DYRK1A: variants seen among roughly 807,000 people sequenced by gnomAD.
The protein encoded by DYRK1A is dual specificity tyrosine phosphorylation regulated kinase 1A, also known as dual specificity tyrosine-phosphorylation-regulated kinase 1A.
In DYRK1A, 9 loss-of-function variants were observed where a neutral mutation model predicts 79.7. The observed-to-expected ratio is 0.11, with a 90% confidence interval of 0.07 to 0.20. The LOEUF (loss-of-function observed/expected upper bound fraction) is 0.20. DYRK1A is among the 10% of genes least tolerant of loss of function. The pLI, the probability that DYRK1A is intolerant of heterozygous loss-of-function variation, is 1.00. For missense variants in DYRK1A, 622 were observed against 956.0 expected (o/e 0.65, Z 4.61); for synonymous variants, 349 against 329.7 (o/e 1.06, Z -0.63).
At chr21:37,433,355 T>G (rs900201475) in intron 2 of DYRK1A, among the ~76,000 whole-genome samples, 2 of 152,112 alleles carry the variant, frequency 1.3e-5, no homozygotes, top group African/African-American at 2.4e-5. Flanking sequence ...ACAAAAAATG[T>G]TTAAGAGGTG....
chr21:37,511,883 A>G, intron 11 of DYRK1A, 28 bp from the exon 12 acceptor site: 3 of 1,598,248 alleles, frequency 1.9e-6, no homozygotes, highest in Non-Finnish European at 2.6e-6. Context: ...GTCCTCTGAA[A>G]AATCCTTTTA....
chr21:37,470,942 T>C (rs1425761544), intron 2 of DYRK1A, among the ~76,000 whole-genome samples: 1 of 152,200 alleles, frequency 6.6e-6, no homozygotes, highest in African/African-American at 2.4e-5. Context: ...TACTATCCTT[T>C]TACTTATTTA....
intron 2 of DYRK1A, among the ~76,000 whole-genome samples, chr21:37,435,415 A>C (rs1209600643): frequency 6.6e-6 from 1 of 152,138 alleles, no homozygotes; most frequent in Non-Finnish European, 1.5e-5. Context: ...ATGAGCGTTT[A>C]ATGATCTGCA....
intron 2 of DYRK1A, among the ~76,000 whole-genome samples, chr21:37,452,571 T>A (rs1601134814): frequency 6.6e-6 from 1 of 151,990 alleles, no homozygotes; most frequent in African/African-American, 2.4e-5. Context: ...TAGCAGTGAG[T>A]GCTCCAGACA....
rs771118827 is a variant in DYRK1A, at chr21:37,512,527, C to G, written c.2261C>G (p.Ser754Trp). ...GTGCAACAGAGTCCTGTAGCTAGCT[C>G]GTGACTACATTGAAACTTGAGTTTG... is the stretch of plus-strand genomic sequence containing the variant. Reference protein sequence around the residue: ...VCVQQSPVASS With the variant: ...VCVQQSPVASW The change falls in exon 12 of 12, where the codon TCG becomes TGG. Residue 754 changes from serine (S) to tryptophan (W), a missense_variant. Physicochemically the swap from Ser to Trp is radical, Grantham distance 177 (BLOSUM62 -3). Transcript: ENST00000647188. 5 of 1,606,290 alleles carry G rather than the reference C, an allele frequency of 3.1e-6. No individual in the cohort carries two copies. Among genetic ancestry groups the G allele is most frequent in the Non-Finnish European group, 3.4e-6 (4 of 1,174,082 alleles).
intron 2 of DYRK1A, chr21:37,456,124 T>C (rs2051628584): frequency 6.6e-6 from 1 of 152,216 alleles, no homozygotes. Flanking sequence ...ATATTCTATT[T>C]TCCAGCCAAA....
intron 1 of DYRK1A, among the ~76,000 whole-genome samples, chr21:37,371,863 C>A (rs990303502): frequency 6.6e-6 from 1 of 152,070 alleles, no homozygotes; most frequent in Non-Finnish European, 1.5e-5. Context: ...TAAATAACAT[C>A]CCTGTTCATT....
chr21:37,424,452 G>A (rs966894734), intron 2 of DYRK1A, among the ~76,000 whole-genome samples: 5 of 148,610 alleles, frequency 3.4e-5, no homozygotes, highest in African/African-American at 1.3e-4. Flanking sequence ...TTCCCTTCCA[G>A]TTGTTTTTCA....
rs1461981334 is a variant in DYRK1A, at chr21:37,523,988, A to G, written c.*11457A>G. On this transcript the variant is annotated 3_prime_UTR_variant, in exon 12 of 12. Transcript: ENST00000647188. ...CAGCAGCATTTTGAATGCCACTTGT[A>G]TTCCCATGCTACAACATTTTATTTT... 1 of 152,232 alleles carries G rather than the reference A, an allele frequency of 6.6e-6. No homozygotes were observed. The highest frequency in any genetic ancestry group is 1.5e-5 in the Non-Finnish European group (1 of 68,042). 9.4% of individuals were successfully genotyped at this position (152,232 alleles called of 1,614,324 possible).
chr21:37,408,208 T>C (rs2050183120), intron 1 of DYRK1A, among the ~76,000 whole-genome samples: 1 of 152,246 alleles, frequency 6.6e-6, no homozygotes, highest in Non-Finnish European at 1.5e-5. Context: ...ACTGATTCTT[T>C]AAATTTCTTT....
At chr21:37,494,428 C>T (rs2053196773) in intron 8 of DYRK1A, among the ~76,000 whole-genome samples, 1 of 152,100 alleles carries the variant, frequency 6.6e-6, no homozygotes, top group Admixed American at 6.6e-5. Flanking sequence ...CTCTCCTTCT[C>T]CCCTCACTCT....
chr21:37,523,557 C>T lies in DYRK1A; in HGVS notation c.*11026C>T, dbSNP rs558022055. 6.6e-6 allele frequency: 1 copy of T among 152,338 alleles called. No individual in the cohort carries two copies. Among genetic ancestry groups the T allele is most frequent in the South Asian group, 2.1e-4 (1 of 4,824 alleles). The allele number at this position is 152,338 out of a possible 1,614,324, so 9.4% of individuals were successfully genotyped here. On this transcript the variant is annotated 3_prime_UTR_variant, in exon 12 of 12. Transcript: ENST00000647188. ...TGCTTTCCTGCTGCTGTTATCACAT[C>T]CTTCCAGGGCTATCGGCTGTTCAGG...
intron 3 of DYRK1A, among the ~76,000 whole-genome samples, chr21:37,474,871 C>G (rs891235907): frequency 6.6e-6 from 1 of 152,080 alleles, no homozygotes; most frequent in Admixed American, 6.5e-5. Flanking sequence ...TTCTAGTACC[C>G]TGGATATGTG....
chr21:37,484,264 C>G (rs2052767479), intron 5 of DYRK1A, among the ~76,000 whole-genome samples: 1 of 151,980 alleles, frequency 6.6e-6, no homozygotes, highest in Non-Finnish European at 1.5e-5. Flanking sequence ...TGCTCTAGAC[C>G]TAGAGAGTGC....
At chr21:37,495,808 A>T (rs774206931) in intron 8 of DYRK1A, among the ~76,000 whole-genome samples, 2 of 152,298 alleles carry the variant, frequency 1.3e-5, no homozygotes, top group East Asian at 1.9e-4. Flanking sequence ...AAATAAAAAA[A>T]ATTTTTTTAA....
At chr21:37,458,487 C>G (rs746604798) in intron 2 of DYRK1A, among the ~76,000 whole-genome samples, 2 of 152,086 alleles carry the variant, frequency 1.3e-5, no homozygotes, top group African/African-American at 4.8e-5. Flanking sequence ...CCTGGCAACT[C>G]TGTGTGTAAC....
At chr21:37,379,643 A>G (rs1001528456) in intron 1 of DYRK1A, among the ~76,000 whole-genome samples, 17 of 152,330 alleles carry the variant, frequency 1.1e-4, no homozygotes, top group African/African-American at 2.9e-4. Context: ...GGAGAGGGCA[A>G]TGTTTGAAGC....
intron 6 of DYRK1A, 100 bp downstream of exon 6, chr21:37,486,714 G>A: frequency 8.2e-7 from 1 of 1,219,394 alleles, no homozygotes; most frequent in South Asian, 2.6e-5. Flanking sequence ...ATTTTAAAGT[G>A]GCTGATTAAA....
intron 4 of DYRK1A, among the ~76,000 whole-genome samples, chr21:37,480,333 G>C (rs1228327545): frequency 6.6e-6 from 1 of 152,148 alleles, no homozygotes; most frequent in Admixed American, 6.5e-5. Flanking sequence ...GAACTCTTAA[G>C]ATCTGTGCCA....
Sources: gnomAD v4.1 joint callset for allele counts (sites outside exome capture counted in the v4.1 genomes callset) on GRCh38, gnomAD v4.1.1 for gene constraint, MANE v1.5 for transcripts, NCBI Gene and HGNC (gene_info 2026-07-23, HGNC 2026-07-21) for gene names.